The following ARCN1 variants were observed in gnomAD, a reference collection of about 807,000 sequenced individuals.
ARCN1 encodes coatomer subunit delta.
In ARCN1, 5 loss-of-function variants were observed where a neutral mutation model predicts 60.4. The observed-to-expected ratio is 0.08, with a 90% confidence interval of 0.04 to 0.17. ARCN1 has a LOEUF of 0.17. ARCN1 is among the 10% of genes least tolerant of loss of function. ARCN1 has a pLI of 1.00. For missense variants in ARCN1, 464 were observed against 626.5 expected, an observed-to-expected ratio of 0.74 and a Z score of 2.77; for synonymous variants, 224 against 220.0, an observed-to-expected ratio of 1.02 and a Z score of -0.16.
intron 6 of ARCN1, among the ~76,000 whole-genome samples, chr11:118,591,997 C>T (rs920557898): frequency 7.9e-5 from 12 of 151,032 alleles, no homozygotes; most frequent in Non-Finnish European, 1.6e-4. Flanking sequence ...CTCGGCTCAC[C>T]GCAACCTCTG....
Position 118,602,070 on chromosome 11 carries a change from T to C in ARCN1, c.*1356T>C. On this transcript the variant is annotated 3_prime_UTR_variant, in exon 10 of 10. Coordinates refer to ENST00000264028, the MANE Select transcript of ARCN1 (RefSeq NM_001655.5). ...GAAGGCTGTGGGTTCAGGGAGTCTTTGCCAATCCTGTTGGCCCTAAACTAT... is the reference window on the plus strand; with the variant it reads ...GAAGGCTGTGGGTTCAGGGAGTCTTCGCCAATCCTGTTGGCCCTAAACTAT... The C allele has an allele frequency of 3.7e-6, 1 of 266,684 alleles. No homozygotes were observed. Among genetic ancestry groups the C allele is most frequent in the Non-Finnish European group, 7.2e-6 (1 of 139,396 alleles). The allele number at this position is 266,684 out of a possible 1,614,324, so 16.5% of individuals were successfully genotyped here.
intron 3 of ARCN1, among the ~76,000 whole-genome samples, 178 bp from the exon 4 acceptor site, chr11:118,583,631 C>T (rs1368811486): frequency 6.6e-6 from 1 of 151,870 alleles, no homozygotes; most frequent in Non-Finnish European, 1.5e-5. Context: ...GTAGCACGTG[C>T]ATGTGGGTCC....
chr11:118,584,554 A>C lies in ARCN1; in HGVS notation c.728A>C (p.Lys243Thr), dbSNP rs782534159. Residue 243 changes from lysine (K) to threonine (T), a missense_variant, in exon 5 of 10, where the codon AAA (lysine) becomes ACA (threonine). Lys to Thr is a moderately conservative substitution (Grantham distance 78). This residue lies in a region of ARCN1 where 359 missense variants were observed against 440.2 expected (regional missense o/e 0.82). Coordinates refer to ENST00000264028, the MANE Select transcript of ARCN1 (RefSeq NM_001655.5). ...KEVDNFVDKL[K>T]SEGETIMSSS... is the part of the protein sequence containing the mutation. ...GTAGATAACTTTGTGGACAAATTAA[A>C]ATCTGAAGGTGAAACCATCATGTCC... 6.2e-7 allele frequency: 1 copy of C among 1,613,968 alleles called. No homozygotes were observed. The highest frequency in any genetic ancestry group is 1.1e-5 in the South Asian group (1 of 91,070).
At chr11:118,575,818 G>T (rs1409693014) in intron 1 of ARCN1, among the ~76,000 whole-genome samples, 1 of 152,118 alleles carries the variant, frequency 6.6e-6, no homozygotes, top group Non-Finnish European at 1.5e-5. Context: ...TATACCACCT[G>T]TTATTCTTGT....
chr11:118,591,183 C>T (rs1938899858), intron 6 of ARCN1, among the ~76,000 whole-genome samples: 1 of 152,160 alleles, frequency 6.6e-6, no homozygotes, highest in South Asian at 2.1e-4. Flanking sequence ...TATATATAAG[C>T]CCTGCTTTAT....
chr11:118,587,599 AC>A (rs1490196423), intron 5 of ARCN1, among the ~76,000 whole-genome samples: 1 of 152,234 alleles, frequency 6.6e-6, no homozygotes, highest in Non-Finnish European at 1.5e-5. Flanking sequence ...TTCAACAGCA[AC>A]AATGAACACA....
In ARCN1 at chr11:118,583,271, A is replaced by G. The variant is rs1555074932; in HGVS notation, c.360A>G (p.Gly120=). The G allele has an allele frequency of 1.2e-6, 2 of 1,614,192 alleles. No individual in the cohort carries two copies. The highest frequency in any genetic ancestry group is 1.1e-5 in the South Asian group (1 of 91,086). ...IFAFDEIVAL[G]YRENVNLAQI... ...CTTTTGATGAAATTGTCGCACTGGG[A>G]TACCGGGAGAATGTTAACTTGGCAC... Residue 120 remains glycine, a synonymous_variant, in exon 3 of 10, where the codon GGA becomes GGG. Transcript: ENST00000264028.
At chr11:118,597,638 G>C in intron 8 of ARCN1, 69 bp from the exon 9 acceptor site, 3 of 1,549,720 alleles carry the variant, frequency 1.9e-6, no homozygotes, top group Non-Finnish European at 2.6e-6. Flanking sequence ...TATCAAATTT[G>C]GGGTTGGTTT....
chr11:118,584,341 CTG>C (rs1415887473), intron 4 of ARCN1, 137 bp from the exon 5 acceptor site: 2 of 770,244 alleles, frequency 2.6e-6, no homozygotes, highest in African/African-American at 3.5e-5. Context: ...TAGGGGAAAT[CTG>C]TGAATTACCC....
In ARCN1 at chr11:118,582,021, CG is replaced by C. The variant is rs201266659; in HGVS notation, c.267+514del. On this transcript the variant is annotated intron_variant, in intron 2 of 9. Transcript: ENST00000264028. ...TTAAAATGAAGGCTAAGGCCAGGTG[CG>C]GTAGCATGTGCCTGTAGTCCAAGCT... Among the ~76,000 whole-genome samples the C allele has an allele frequency of 8.0e-3, 1,221 of 151,968 alleles. 24 individuals are homozygous for C. Among genetic ancestry groups the C allele is most frequent in the African/African-American group, 0.028 (1,170 of 41,482 alleles).
At position 118,592,793 on chromosome 11, in the gene ARCN1, A is replaced by G. The variant is rs782813978; in HGVS notation, c.1069A>G (p.Ser357Gly). 6.2e-7 allele frequency: 1 copy of G among 1,614,098 alleles called. No homozygotes were observed. Among genetic ancestry groups the G allele is most frequent in the Non-Finnish European group, 8.5e-7 (1 of 1,179,980 alleles). Residue 357 changes from serine (S) to glycine (G), a missense_variant, in exon 7 of 10, where the codon AGT becomes GGT. By Grantham distance (56) the Ser-to-Gly change is moderately conservative. Around this residue, in one of 2 missense-constraint regions of ARCN1, gnomAD observed 359 missense variants for 440.2 expected, o/e 0.82. Coordinates refer to ENST00000264028, the MANE Select transcript of ARCN1 (RefSeq NM_001655.5). ...TCCAGAGAAGTCATTTCCAGTCAAC[A>G]GTGACGTAGGGGTGCTAAAGTGGAG... The part of the protein sequence containing the change: ...KNPEKSFPVN[S>G]DVGVLKWRLQ...
At chr11:118,583,098 A>G (rs1591384404) in intron 2 of ARCN1, 81 bp from the exon 3 acceptor site, 3 of 1,456,174 alleles carry the variant, frequency 2.1e-6, no homozygotes, top group East Asian at 2.3e-5. Context: ...ATTGAAATTT[A>G]TGTACTCTAA....
At chr11:118,585,748 A>C (rs1938764702) in intron 5 of ARCN1, among the ~76,000 whole-genome samples, 2 of 152,170 alleles carry the variant, frequency 1.3e-5, no homozygotes, top group African/African-American at 2.4e-5. Flanking sequence ...CTTGTTGCCC[A>C]GGCTGGTCTC....
chr11:118,590,928 G>A (rs1251105800), intron 6 of ARCN1, among the ~76,000 whole-genome samples: 2 of 152,218 alleles, frequency 1.3e-5, no homozygotes, highest in African/African-American at 4.8e-5. Flanking sequence ...TGAGGCTGAA[G>A]GATCGCTTGA....
In ARCN1 at chr11:118,590,383, A is replaced by G. The variant is rs1938875727; in HGVS notation, c.861A>G (p.Gly287=). 6.2e-7 allele frequency: 1 copy of G among 1,614,042 alleles called. No individual in the cohort carries two copies. The highest frequency in any genetic ancestry group is 8.5e-7 in the Non-Finnish European group (1 of 1,179,866). The change falls in exon 6 of 10, where the codon GGA becomes GGG. Residue 287 remains glycine, a synonymous_variant. Coordinates refer to ENST00000264028, the MANE Select transcript of ARCN1 (RefSeq NM_001655.5). ...AAGAAAAGATAACATTAACCTGTGG[A>G]CGAGACGGAGGATTACAGAATATGG... ...KIEEKITLTC[G]RDGGLQNMEL...
At chr11:118,596,559 G>A (rs1245813283) in intron 8 of ARCN1, among the ~76,000 whole-genome samples, 1 of 152,212 alleles carries the variant, frequency 6.6e-6, no homozygotes, top group Non-Finnish European at 1.5e-5. Flanking sequence ...AATTGATAGG[G>A]AAGAGTTAAT....
intron 5 of ARCN1, among the ~76,000 whole-genome samples, chr11:118,587,068 A>G (rs1469454938): frequency 6.6e-6 from 1 of 152,222 alleles, no homozygotes; most frequent in African/African-American, 2.4e-5. Flanking sequence ...AACAAAGAAC[A>G]TGGTAGGATA....
At chr11:118,579,676 A>G (rs1555074283) in intron 1 of ARCN1, among the ~76,000 whole-genome samples, 1 of 151,962 alleles carries the variant, frequency 6.6e-6, no homozygotes, top group African/African-American at 2.4e-5. Context: ...CAACAAGAGC[A>G]AAACTCCATC....
rs554973483 is a variant in ARCN1 at position 118,588,755 on chromosome 11, C to T, written c.819-1586C>T. On this transcript the variant is annotated intron_variant, in intron 5 of 9. Transcript: ENST00000264028. ...ACAACAGGCTGGGTGCGGTGGCTCA[C>T]GCCTGTAATCCCAACACTTCGGGAG... 1.8e-4 allele frequency among the ~76,000 whole-genome samples: 27 copies of T among 152,158 alleles called. No individual in the cohort carries two copies. The South Asian group carries it at 3.1e-3, about 18-fold the overall frequency.
Sources: gnomAD v4.1 joint callset for allele counts (sites outside exome capture counted in the v4.1 genomes callset) on GRCh38, gnomAD v4.1.1 for gene constraint, gnomAD v4.1.1 regional missense constraint, MANE v1.5 for transcripts, NCBI Gene and HGNC (gene_info 2026-07-23, HGNC 2026-07-21) for gene names.